Variants in ANKS1B observed in about 807,000 individuals in gnomAD.
ANKS1B encodes ankyrin repeat and sterile alpha motif domain-containing protein 1B.
ANKS1B carries 36 observed loss-of-function variants against 148.3 expected under a neutral mutation model. The ratio of observed to expected loss-of-function variants is 0.24; its 90% confidence interval spans 0.19 to 0.32. ANKS1B has a LOEUF of 0.32. ANKS1B is among the 10% of genes least tolerant of loss of function. ANKS1B has a pLI of 1.00. For missense variants in ANKS1B, 1,157 were observed against 1,542.6 expected (o/e 0.75, Z 4.19); for synonymous variants, 542 against 560.8 (o/e 0.97, Z 0.47).
At chr12:98,949,143 A>G (rs545816138) in intron 17 of ANKS1B, among the ~76,000 whole-genome samples, 7 of 151,620 alleles carry the variant, frequency 4.6e-5, no homozygotes, top group South Asian at 4.2e-4. Flanking sequence ...TAGTAGAGTC[A>G]GGGTTTCACT....
chr12:99,769,747 T>C (rs1488794949), intron 8 of ANKS1B, among the ~76,000 whole-genome samples: 1 of 152,236 alleles, frequency 6.6e-6, no homozygotes, highest in Non-Finnish European at 1.5e-5. Flanking sequence ...AATCAGTTAA[T>C]ACAAGTAAAG....
chr12:99,574,255 G>A (rs997491032), intron 9 of ANKS1B, among the ~76,000 whole-genome samples: 2 of 151,960 alleles, frequency 1.3e-5, no homozygotes, highest in African/African-American at 2.4e-5. Flanking sequence ...TATTGTTCCC[G>A]AGAGCACTTC....
intron 8 of ANKS1B, among the ~76,000 whole-genome samples, chr12:99,680,362 G>T (rs2098607146): frequency 1.3e-5 from 2 of 152,020 alleles, no homozygotes; most frequent in Admixed American, 1.3e-4. Context: ...GATCACCTGA[G>T]CCCAGGAGGC....
chr12:99,504,385 A>T, intron 10 of ANKS1B, 91 bp downstream of exon 10: 1 of 1,309,182 alleles, frequency 7.6e-7, no homozygotes, highest in Non-Finnish European at 1.1e-6. Context: ...TCATTTTGAT[A>T]ACATAGTAGG....
intron 12 of ANKS1B, among the ~76,000 whole-genome samples, chr12:99,275,118 A>G (rs2077515623): frequency 6.6e-6 from 1 of 152,224 alleles, no homozygotes; most frequent in African/African-American, 2.4e-5. Flanking sequence ...ATTGTGATAC[A>G]GCCATATAAT....
chr12:99,455,622 T>A (rs571101696), intron 10 of ANKS1B, among the ~76,000 whole-genome samples: 2 of 150,772 alleles, frequency 1.3e-5, no homozygotes, highest in South Asian at 4.2e-4. Flanking sequence ...TGTGTGGGAG[T>A]TGGGTGAGGT....
At position 99,823,389 on chromosome 12, in the gene ANKS1B, T is replaced by A. The variant is rs140474480; in HGVS notation, c.215+1920A>T. ...CATGAGATCTCTGCTCGCTGCAACCTCTGCCTCCAGGGTTCAAGCGATTCT... is the reference window on the plus strand; with the variant it reads ...CATGAGATCTCTGCTCGCTGCAACCACTGCCTCCAGGGTTCAAGCGATTCT... On this transcript the variant is annotated intron_variant, in intron 2 of 26. Coordinates refer to ENST00000683438, the MANE Select transcript of ANKS1B (RefSeq NM_001352186.2). Among the ~76,000 whole-genome samples the A allele has an allele frequency of 7.0e-3, 1,062 of 152,286 alleles. 8 individuals carry two copies. The highest frequency in any genetic ancestry group is 0.024 in the African/African-American group (1,004 of 41,560).
intron 22 of ANKS1B, 29 bp downstream of exon 22, chr12:98,798,905 C>A (rs773290116): frequency 6.3e-7 from 1 of 1,583,670 alleles, no homozygotes; most frequent in South Asian, 1.1e-5. Context: ...ATTTCAGCTA[C>A]TAGAAATAAA....
At chr12:99,607,445 G>C (rs1169195330) in intron 9 of ANKS1B, among the ~76,000 whole-genome samples, 1 of 151,638 alleles carries the variant, frequency 6.6e-6, no homozygotes, top group Non-Finnish European at 1.5e-5. Flanking sequence ...CTACTCTGAG[G>C]TTGGATTTAA....
rs79293757 is a variant in ANKS1B, at chr12:99,070,903, G to A, written c.2625+14022C>T. Among the ~76,000 whole-genome samples the A allele has an allele frequency of 4.0e-3, 615 of 152,148 alleles. 24 individuals are homozygous for A. The East Asian group carries it at 0.085, about 21-fold the overall frequency. On this transcript the variant is annotated intron_variant, in intron 16 of 26. Coordinates refer to ENST00000683438, the MANE Select transcript of ANKS1B (RefSeq NM_001352186.2). ...TTGTCTTGAAGTCCTTCCCTCACGCGATCCTCCTGCCTTGGCCTCCCAAAG... is the reference window on the plus strand; with the variant it reads ...TTGTCTTGAAGTCCTTCCCTCACGCAATCCTCCTGCCTTGGCCTCCCAAAG...
intron 1 of ANKS1B, among the ~76,000 whole-genome samples, chr12:99,851,669 T>C (rs909997542): frequency 6.6e-6 from 1 of 152,154 alleles, no homozygotes; most frequent in African/African-American, 2.4e-5. Context: ...ACAATTTTAA[T>C]AATGTACTAT....
chr12:99,737,177 T>C (rs1048322254), intron 8 of ANKS1B, among the ~76,000 whole-genome samples: 8 of 152,162 alleles, frequency 5.3e-5, no homozygotes, highest in African/African-American at 1.9e-4. Flanking sequence ...GCAATCACAC[T>C]GCTGGTTATT....
intron 11 of ANKS1B, among the ~76,000 whole-genome samples, chr12:99,432,108 C>T (rs977345805): frequency 6.6e-6 from 1 of 152,196 alleles, no homozygotes; most frequent in Non-Finnish European, 1.5e-5. Context: ...TGACCTTCTG[C>T]CATGTTGTGA....
intron 8 of ANKS1B, among the ~76,000 whole-genome samples, chr12:99,708,867 A>G (rs60294190): frequency 0.016 from 2,381 of 152,268 alleles, 66 homozygotes; most frequent in African/African-American, 0.054. Flanking sequence ...GCTATTATTC[A>G]GCATACCACA....
At chr12:99,235,079 C>T (rs1215919936) in intron 14 of ANKS1B, among the ~76,000 whole-genome samples, 2 of 152,012 alleles carry the variant, frequency 1.3e-5, no homozygotes, top group Admixed American at 6.6e-5. Flanking sequence ...TTAACTACCA[C>T]TGTAGAAAAA....
At chr12:99,140,098 T>A in intron 15 of ANKS1B, among the ~76,000 whole-genome samples, 1 of 152,196 alleles carries the variant, frequency 6.6e-6, no homozygotes, top group Middle Eastern at 3.2e-3. Flanking sequence ...AATGTTATCA[T>A]TGGTAGTTAA....
intron 10 of ANKS1B, among the ~76,000 whole-genome samples, chr12:99,472,594 T>C (rs1447672455): frequency 6.6e-6 from 1 of 152,126 alleles, no homozygotes; most frequent in East Asian, 1.9e-4. Flanking sequence ...AGTTCCACTT[T>C]ATTAAAACAT....
intron 17 of ANKS1B, among the ~76,000 whole-genome samples, chr12:98,857,893 T>C (rs2099580043): frequency 6.6e-6 from 1 of 152,216 alleles, no homozygotes; most frequent in African/African-American, 2.4e-5. Flanking sequence ...GTACGTTTAT[T>C]AACTGCTTGA....
intron 17 of ANKS1B, among the ~76,000 whole-genome samples, chr12:99,020,589 A>C (rs1409135428): frequency 1.3e-5 from 2 of 152,154 alleles, no homozygotes; most frequent in Admixed American, 1.3e-4. Flanking sequence ...TTTTTCCTAT[A>C]GCCAATGATT....
Sources: allele counts gnomAD v4.1 joint callset (sites outside exome capture counted in the v4.1 genomes callset), GRCh38; gene constraint gnomAD v4.1.1; transcripts MANE v1.5; gene names NCBI Gene and HGNC (gene_info 2026-07-23, HGNC 2026-07-21).